The following EXOC4 variants were observed in gnomAD, a reference collection of about 807,000 sequenced individuals.
EXOC4 encodes the protein SEC8-like 1.
Under a neutral mutation model 107.2 loss-of-function variants are expected in EXOC4, and 71 were observed. That is an observed-to-expected ratio of 0.66 (90% CI 0.55 to 0.81). EXOC4 has a LOEUF of 0.81. Ranked by LOEUF, EXOC4 falls within the 30% of genes least tolerant of loss-of-function variation. The pLI is 0.00. For missense variants in EXOC4, 1,108 were observed against 1,189.6 expected (o/e 0.93, Z 1.01); for synonymous variants, 456 against 441.2 (o/e 1.03, Z -0.42).
intron 10 of EXOC4, among the ~76,000 whole-genome samples, chr7:133,654,848 A>G (rs1023553084): frequency 1.3e-5 from 2 of 152,216 alleles, no homozygotes; most frequent in African/African-American, 4.8e-5. Flanking sequence ...ACAGCAGGTT[A>G]CTGTTCTGAA....
chr7:133,609,069 C>T (rs1585029949), intron 9 of EXOC4, among the ~76,000 whole-genome samples: 1 of 152,030 alleles, frequency 6.6e-6, no homozygotes, highest in Admixed American at 6.6e-5. Context: ...TGTCATTTTA[C>T]CCCTGCTTGC....
At chr7:133,624,174 G>C (rs1443895248) in intron 9 of EXOC4, among the ~76,000 whole-genome samples, 1 of 152,182 alleles carries the variant, frequency 6.6e-6, no homozygotes, top group Admixed American at 6.5e-5. Flanking sequence ...CATTAAAAAT[G>C]TCAGATGGGG....
intron 11 of EXOC4, among the ~76,000 whole-genome samples, chr7:133,856,520 C>T (rs1798376025): frequency 1.3e-5 from 2 of 152,194 alleles, no homozygotes; most frequent in Non-Finnish European, 2.9e-5. Context: ...ACTGTGTGTG[C>T]AGCTCCTAGT....
chr7:133,586,459 G>T (rs796546835), intron 9 of EXOC4, among the ~76,000 whole-genome samples: 5 of 152,192 alleles, frequency 3.3e-5, no homozygotes, highest in African/African-American at 1.2e-4. Context: ...ATTTTTAATG[G>T]CTGCATAGTA....
intron 14 of EXOC4, among the ~76,000 whole-genome samples, chr7:133,955,711 C>G (rs1003812958): frequency 6.6e-6 from 1 of 152,208 alleles, no homozygotes; most frequent in Non-Finnish European, 1.5e-5. Flanking sequence ...CAAGGGGCAC[C>G]TACAGGCCTG....
intron 11 of EXOC4, among the ~76,000 whole-genome samples, chr7:133,823,039 G>T (rs1364881300): frequency 6.6e-6 from 1 of 152,200 alleles, no homozygotes; most frequent in African/African-American, 2.4e-5. Context: ...TCTGGCTCAT[G>T]CAGGGCAATG....
rs1001513594 is a variant in EXOC4 at position 133,255,465 on chromosome 7, G to A, written c.86+2278G>A. 3.9e-5 allele frequency among the ~76,000 whole-genome samples: 6 copies of A among 152,220 alleles called. No individual in the cohort carries two copies. In the East Asian group the frequency reaches 7.7e-4, roughly 20 times the overall value. ...GCTGGGATTACAGGCATGAACCACC[G>A]TGCCCAGCCCTCATTTTTCTACTTT... is the stretch of plus-strand genomic sequence containing the variant. On this transcript the variant is annotated intron_variant, in intron 1 of 17. Transcript: ENST00000253861.
intron 11 of EXOC4, among the ~76,000 whole-genome samples, chr7:133,834,846 A>G (rs757404081): frequency 2.0e-5 from 3 of 152,152 alleles, no homozygotes; most frequent in Non-Finnish European, 4.4e-5. Flanking sequence ...AACTCCCACA[A>G]TTCCCACCTG....
chr7:134,079,239 T>C, the EXOC4 span, among the ~76,000 whole-genome samples: 1 of 152,306 alleles, frequency 6.6e-6, no homozygotes, highest in Admixed American at 6.5e-5. Flanking sequence ...CTTTTCTCTG[T>C]CCAGCACCTT....
At position 133,253,106 on chromosome 7, in the gene EXOC4, C is replaced by T. The variant is rs747454663; in HGVS notation, c.5C>T (p.Ala2Val). The part of the protein sequence containing the change: M[A>V]AEAAGGKYRS... ...GCGGCTCTCCCCGCGTCCAAGATGGCGGCAGAAGCAGCTGGTGGGAAATAC... is the reference window on the plus strand; with the variant it reads ...GCGGCTCTCCCCGCGTCCAAGATGGTGGCAGAAGCAGCTGGTGGGAAATAC... Residue 2 changes from alanine (A) to valine (V), a missense_variant, in exon 1 of 18, where the codon GCG becomes GTG. By Grantham distance (64) the Ala-to-Val change is moderately conservative. Coordinates refer to ENST00000253861, the MANE Select transcript of EXOC4 (RefSeq NM_021807.4). The T allele has an allele frequency of 1.2e-6, 2 of 1,614,024 alleles. No individual in the cohort carries two copies. The highest frequency in any genetic ancestry group is 1.7e-6 in the Non-Finnish European group (2 of 1,179,934).
rs149790904 is a variant in EXOC4, at chr7:133,388,667, T to G, written c.1182+13665T>G. On this transcript the variant is annotated intron_variant, in intron 7 of 17. Transcript: ENST00000253861. ...TCTGTCTCAAAAATAAAATAATACC[T>G]AAAAACTTAATTTCTTTATCATCAA... 6.3e-3 allele frequency among the ~76,000 whole-genome samples: 959 copies of G among 152,186 alleles called. 10 individuals carry two copies. The highest frequency in any genetic ancestry group is 0.022 in the African/African-American group (915 of 41,544).
chr7:133,820,572 T>C (rs1434459336), intron 11 of EXOC4, among the ~76,000 whole-genome samples: 8 of 152,200 alleles, frequency 5.3e-5, no homozygotes, highest in Non-Finnish European at 8.8e-5. Context: ...AGAAGGAGCT[T>C]GGAGAAATAT....
At chr7:133,340,450 G>A (rs1339542178) in intron 5 of EXOC4, among the ~76,000 whole-genome samples, 1 of 112,938 alleles carries the variant, frequency 8.9e-6, no homozygotes, top group Admixed American at 9.3e-5. Flanking sequence ...GAGGATTTTT[G>A]TATCTGTGTT....
the EXOC4 span, among the ~76,000 whole-genome samples, chr7:134,074,108 A>G: frequency 2.0e-5 from 3 of 152,186 alleles, no homozygotes; most frequent in Non-Finnish European, 2.9e-5. Context: ...GCTACCGTGC[A>G]TGCTACAGCC....
At chr7:133,783,364 CAT>C (rs771239034) in intron 10 of EXOC4, among the ~76,000 whole-genome samples, 1 of 152,210 alleles carries the variant, frequency 6.6e-6, no homozygotes, top group Non-Finnish European at 1.5e-5. Context: ...ATCATCATCT[CAT>C]AACCCATATG....
At chr7:133,737,642 G>A (rs1247333659) in intron 10 of EXOC4, among the ~76,000 whole-genome samples, 1 of 152,098 alleles carries the variant, frequency 6.6e-6, no homozygotes, top group Non-Finnish European at 1.5e-5. Flanking sequence ...TGATTGTGAT[G>A]TATGTGACAT....
At chr7:133,383,567 T>C (rs915635831) in intron 7 of EXOC4, among the ~76,000 whole-genome samples, 3 of 152,222 alleles carry the variant, frequency 2.0e-5, no homozygotes, top group Non-Finnish European at 4.4e-5. Context: ...TGAAGTTTGC[T>C]GTCAGGTAAG....
intron 11 of EXOC4, among the ~76,000 whole-genome samples, chr7:133,855,088 TATAA>T (rs199891818): frequency 0.015 from 1,368 of 89,764 alleles, 79 homozygotes; most frequent in African/African-American, 0.08. Context: ...TCTAAATATA[TATAA>T]ATATATATAT....
chr7:133,329,585 G>C (rs1053884681), intron 5 of EXOC4, among the ~76,000 whole-genome samples: 3 of 152,208 alleles, frequency 2.0e-5, no homozygotes, highest in African/African-American at 7.2e-5. Context: ...TTTGAAGTCG[G>C]TGACCTTCAG....
Sources: gnomAD v4.1 joint callset for allele counts (sites outside exome capture counted in the v4.1 genomes callset) on GRCh38, gnomAD v4.1.1 for gene constraint, MANE v1.5 for transcripts, NCBI Gene and HGNC (gene_info 2026-07-23, HGNC 2026-07-21) for gene names.